The following S100Z variants were observed in gnomAD, a reference collection of about 807,000 sequenced individuals.
The protein encoded by S100Z is protein S100-Z.
In S100Z, 11 loss-of-function variants were observed where a neutral mutation model predicts 8.5. The observed-to-expected ratio is 1.30, with a 90% CI of 0.82 to 2.15. The LOEUF (loss-of-function observed/expected upper bound fraction) is 2.15, where lower values mean the gene tolerates loss of function less well. Ranked by LOEUF, S100Z falls within the 30% of genes most tolerant of loss-of-function variation. The probability of loss-of-function intolerance (pLI) is 0.00; values close to 1 mark genes in which losing one functional copy is unlikely to be tolerated. For missense variants in S100Z, 126 were observed against 117.9 expected, an observed-to-expected ratio of 1.07 and a Z score of -0.32; for synonymous variants, 34 against 43.8, an observed-to-expected ratio of 0.78 and a Z score of 0.89.
chr5:76,941,846 G>A, the S100Z span, among the ~76,000 whole-genome samples: 34 of 151,968 alleles, frequency 2.2e-4, no homozygotes, highest in African/African-American at 7.5e-4. Context: ...GGATTCTTCT[G>A]GGCAGGAGAC....
the S100Z span, among the ~76,000 whole-genome samples, chr5:76,938,608 T>C: frequency 1.3e-5 from 2 of 152,216 alleles, no homozygotes; most frequent in Admixed American, 1.3e-4. Context: ...AATTTATTAG[T>C]TTTTTAATGG....
intron 1 of S100Z, among the ~76,000 whole-genome samples, chr5:76,853,405 G>A (rs761548216): frequency 1.3e-5 from 2 of 152,168 alleles, no homozygotes; most frequent in Non-Finnish European, 2.9e-5. Context: ...GTAAGAGATA[G>A]CAAATTACCT....
intron 2 of S100Z, among the ~76,000 whole-genome samples, chr5:76,874,035 T>C (rs80301629): frequency 2.0e-5 from 3 of 151,934 alleles, no homozygotes; most frequent in African/African-American, 4.8e-5. Flanking sequence ...TTCTACCCTT[T>C]CCCCCCTTAC....
chr5:76,903,054 C>T (rs746836145), intron 4 of S100Z, among the ~76,000 whole-genome samples: 11 of 152,168 alleles, frequency 7.2e-5, no homozygotes, highest in Middle Eastern at 6.8e-3. Context: ...GACATGATGG[C>T]GGGTGCCAGT....
chr5:76,924,918 A>T (rs199519271), downstream of S100Z, among the ~76,000 whole-genome samples: 1 of 151,986 alleles, frequency 6.6e-6, no homozygotes, highest in Non-Finnish European at 1.5e-5. Context: ...GTCTCAAAAA[A>T]AAAAAAAAGA....
rs115181630 is a variant in S100Z, at chr5:76,866,575, T to G, written c.-175-3591T>G. 2.6e-3 allele frequency among the ~76,000 whole-genome samples: 395 copies of G among 152,238 alleles called. 1 individual carries two copies. Among genetic ancestry groups the G allele is most frequent in the African/African-American group, 8.9e-3 (369 of 41,530 alleles). ...TAAGTGTCCTATAAAGGTGTACTAT[T>G]TTTTTTATCTTTTATACATATTTTT... On this transcript the variant is annotated intron_variant, in intron 1 of 4. Transcript: ENST00000317593.
intron 4 of S100Z, 48 bp downstream of exon 4, chr5:76,877,882 AC>A (rs1161828705): frequency 1.5e-6 from 2 of 1,350,334 alleles, no homozygotes; most frequent in East Asian, 4.6e-5. Flanking sequence ...AAAGTTATGT[AC>A]TTAATGTTCA....
chr5:76,933,952 A>G, the S100Z span, among the ~76,000 whole-genome samples: 2 of 152,246 alleles, frequency 1.3e-5, no homozygotes, highest in African/African-American at 4.8e-5. Context: ...TTTGCCTGTT[A>G]CAGATACTGC....
At chr5:76,878,006 C>T in intron 4 of S100Z, 172 bp downstream of exon 4, 1 of 436,452 alleles carries the variant, frequency 2.3e-6, no homozygotes, top group African/African-American at 2.0e-5. Context: ...AAAATATTGA[C>T]TTTATGTAGA....
chr5:76,881,066 A>G (rs111744818), intron 4 of S100Z, among the ~76,000 whole-genome samples: 1 of 152,192 alleles, frequency 6.6e-6, no homozygotes, highest in Non-Finnish European at 1.5e-5. Flanking sequence ...CAAGTATAAA[A>G]GTAAAGAATA....
Position 76,854,596 on chromosome 5 carries a change from G to A in S100Z, c.-176+4441G>A, listed in dbSNP as rs974317922. 7.2e-5 allele frequency among the ~76,000 whole-genome samples: 11 copies of A among 152,162 alleles called. No individual in the cohort carries two copies. The South Asian group carries it at 8.3e-4, about 11-fold the overall frequency. On this transcript the variant is annotated intron_variant, in intron 1 of 4. Transcript: ENST00000317593. ...TGGCTGCTTCTAACAGCCTATGCCC[G>A]TTACAGGAGCAAAGAAATGACCAGA...
intron 4 of S100Z, among the ~76,000 whole-genome samples, chr5:76,901,259 G>T (rs1269891198): frequency 1.3e-5 from 2 of 152,140 alleles, no homozygotes; most frequent in Non-Finnish European, 2.9e-5. Flanking sequence ...AAGGCCCTGG[G>T]GCTCTACAAT....
the S100Z span, among the ~76,000 whole-genome samples, chr5:76,934,150 C>T: frequency 2.0e-5 from 3 of 152,156 alleles, no homozygotes; most frequent in African/African-American, 7.2e-5. Context: ...CTCCAAGGTC[C>T]ATGCTCTTAA....
intron 4 of S100Z, among the ~76,000 whole-genome samples, chr5:76,884,101 T>A (rs1743512876): frequency 6.6e-6 from 1 of 152,142 alleles, no homozygotes; most frequent in African/African-American, 2.4e-5. Context: ...TGGGAGCAAA[T>A]TGGTTAATAA....
At position 76,884,831 on chromosome 5, in the gene S100Z, G is replaced by A. The variant is rs532438991; in HGVS notation, c.*2+6997G>A. 1.1e-4 allele frequency among the ~76,000 whole-genome samples: 17 copies of A among 152,176 alleles called. No homozygotes were observed. The South Asian group carries it at 3.3e-3, about 30-fold the overall frequency. On this transcript the variant is annotated intron_variant, in intron 4 of 4. Transcript: ENST00000317593. ...GAGGAGCAGCCTGGGGAGAAGGGGA[G>A]AGGTCAGATGAGTCCGTAGAAAAGA...
intron 4 of S100Z, among the ~76,000 whole-genome samples, chr5:76,915,573 A>G (rs936458295): frequency 1.3e-4 from 20 of 152,142 alleles, no homozygotes; most frequent in African/African-American, 4.8e-4. Flanking sequence ...ACACCACTGC[A>G]CTCCAGCCTG....
rs191616952 is a variant in S100Z, at chr5:76,863,601, C to T, written c.-175-6565C>T. ...TTGCCCAGGCTGGAGTGCAGTGGCG[C>T]GATCTCGGCTCACTGCAAGCTCCGC... is the stretch of plus-strand genomic sequence containing the variant. On this transcript the variant is annotated intron_variant, in intron 1 of 4. Transcript: ENST00000317593. 5.0e-3 allele frequency among the ~76,000 whole-genome samples: 759 copies of T among 152,066 alleles called. 4 individuals are homozygous for T. The highest frequency in any genetic ancestry group is 8.1e-3 in the Non-Finnish European group (552 of 67,962).
intron 4 of S100Z, among the ~76,000 whole-genome samples, chr5:76,916,587 T>C (rs901173908): frequency 6.7e-5 from 10 of 149,648 alleles, no homozygotes; most frequent in African/African-American, 2.5e-4. Flanking sequence ...CCTAAGAGTG[T>C]GTTTTCTGAC....
the S100Z span, among the ~76,000 whole-genome samples, chr5:76,937,621 C>T: frequency 1.3e-5 from 2 of 151,826 alleles, no homozygotes; most frequent in South Asian, 4.2e-4. Context: ...GATGTGGTGG[C>T]ACACATCTGT....
Sources: allele counts gnomAD v4.1 joint callset (sites outside exome capture counted in the v4.1 genomes callset), GRCh38; gene constraint gnomAD v4.1.1; transcripts MANE v1.5; gene names NCBI Gene and HGNC (gene_info 2026-07-23, HGNC 2026-07-21).